TP63: variants seen among roughly 807,000 people sequenced by gnomAD.
TP63 encodes tumor protein 63.
A neutral mutation model predicts 82.8 loss-of-function variants in TP63; 17 were observed. The observed-to-expected ratio is 0.21, with a 90% CI of 0.14 to 0.31. The LOEUF (loss-of-function observed/expected upper bound fraction) is 0.31. TP63 is among the 10% of genes least tolerant of loss of function. The pLI, the probability that TP63 is intolerant of heterozygous loss-of-function variation, is 1.00. For missense variants in TP63, 648 were observed against 895.3 expected (o/e 0.72, Z 3.52); for synonymous variants, 330 against 321.7 (o/e 1.03, Z -0.28).
the TP63 span, among the ~76,000 whole-genome samples, chr3:189,612,508 G>T: frequency 2.0e-5 from 3 of 151,344 alleles, no homozygotes; most frequent in African/African-American, 7.3e-5. Context: ...TTTGTAAATT[G>T]CCCAGTCTTG....
chr3:189,808,148 A>C (rs1727120336), intron 3 of TP63, 124 bp from the exon 4 acceptor site: 27 of 1,518,074 alleles, frequency 1.8e-5, no homozygotes, highest in South Asian at 1.3e-4. Context: ...TTTTACTTTG[A>C]ATGTGAAGTG....
chr3:189,776,635 C>G (rs1316730988), intron 3 of TP63, among the ~76,000 whole-genome samples: 6 of 152,194 alleles, frequency 3.9e-5, no homozygotes, highest in Non-Finnish European at 8.8e-5. Flanking sequence ...TTTTGCCTTA[C>G]AGACCTAAAT....
chr3:189,743,473 T>C lies in TP63; in HGVS notation c.324+4699T>C, dbSNP rs538633931. Among the ~76,000 whole-genome samples, 43 of 151,800 alleles carry C rather than the reference T, an allele frequency of 2.8e-4. 1 individual carries two copies. The highest frequency in any genetic ancestry group is 2.1e-3 in the South Asian group (10 of 4,796). On this transcript the variant is annotated intron_variant, in intron 3 of 13. Coordinates refer to ENST00000264731, the MANE Select transcript of TP63 (RefSeq NM_003722.5). ...CAGTTTTAGATATTCCACAAAACTATTCAAATATAAATAAGTACCTACAAA... is the reference window on the plus strand; with the variant it reads ...CAGTTTTAGATATTCCACAAAACTACTCAAATATAAATAAGTACCTACAAA...
intron 3 of TP63, among the ~76,000 whole-genome samples, chr3:189,775,220 CAAAAA>C (rs56288032): frequency 6.4e-5 from 6 of 93,058 alleles, no homozygotes; most frequent in Admixed American, 2.4e-4. Context: ...AACTCTGTCT[CAAAAA>C]AAAAAAAAAA....
chr3:189,838,909 A>G (rs905728971), intron 4 of TP63, among the ~76,000 whole-genome samples: 5 of 151,984 alleles, frequency 3.3e-5, no homozygotes, highest in African/African-American at 1.2e-4. Flanking sequence ...CTTGAACTAA[A>G]TTTATCTCAT....
At chr3:189,864,545 T>A in intron 5 of TP63, 127 bp downstream of exon 5, 3 of 377,986 alleles carry the variant, frequency 7.9e-6, no homozygotes, top group Admixed American at 5.4e-5. Context: ...GTCTGCCTTT[T>A]TTTTTTTTTT....
At chr3:189,644,697 T>C (rs936038225) in intron 1 of TP63, among the ~76,000 whole-genome samples, 1 of 152,234 alleles carries the variant, frequency 6.6e-6, no homozygotes, top group South Asian at 2.1e-4. Flanking sequence ...CTCTTCCCCT[T>C]GAGTGTCCAA....
At chr3:189,831,963 C>T (rs1407866575) in intron 4 of TP63, among the ~76,000 whole-genome samples, 3 of 150,810 alleles carry the variant, frequency 2.0e-5, no homozygotes, top group African/African-American at 4.9e-5. Context: ...TCCTGAGTAG[C>T]TGGGATTATA....
chr3:189,877,845 T>C (rs1256166373), intron 10 of TP63, among the ~76,000 whole-genome samples: 1 of 152,214 alleles, frequency 6.6e-6, no homozygotes, highest in African/African-American at 2.4e-5. Flanking sequence ...TAGTTAATTA[T>C]AAAATTTAAA....
At chr3:189,655,822 C>T (rs999705115) in intron 1 of TP63, among the ~76,000 whole-genome samples, 2 of 152,118 alleles carry the variant, frequency 1.3e-5, no homozygotes, top group African/African-American at 2.4e-5. Flanking sequence ...CATTGTTGGG[C>T]TTTTCTGTCA....
intron 3 of TP63, among the ~76,000 whole-genome samples, chr3:189,796,941 G>A (rs1173458044): frequency 6.6e-6 from 1 of 151,974 alleles, no homozygotes; most frequent in African/African-American, 2.4e-5. Context: ...GTATGGATTC[G>A]AGCTGAGATG....
intron 1 of TP63, among the ~76,000 whole-genome samples, chr3:189,730,731 G>T (rs1336723703): frequency 2.0e-5 from 3 of 152,104 alleles, no homozygotes; most frequent in Non-Finnish European, 4.4e-5. Context: ...GTCCCTCCAG[G>T]CCTGCTCTAT....
intron 10 of TP63, among the ~76,000 whole-genome samples, chr3:189,878,659 C>T (rs1313727585): frequency 1.3e-5 from 2 of 150,938 alleles, no homozygotes; most frequent in African/African-American, 4.9e-5. Flanking sequence ...AAACCCCTGA[C>T]GTTGTGATCC....
At chr3:189,688,711 C>G (rs1247855500) in intron 1 of TP63, among the ~76,000 whole-genome samples, 1 of 152,174 alleles carries the variant, frequency 6.6e-6, no homozygotes, top group Non-Finnish European at 1.5e-5. Context: ...CTTCACCAGT[C>G]ACACTCTAGG....
chr3:189,830,356 T>C (rs1577054839), intron 4 of TP63, among the ~76,000 whole-genome samples: 2 of 152,162 alleles, frequency 1.3e-5, no homozygotes, highest in Non-Finnish European at 2.9e-5. Flanking sequence ...ACTCTGATTT[T>C]CATGGCAAGG....
intron 1 of TP63, among the ~76,000 whole-genome samples, chr3:189,721,111 A>G (rs1048026576): frequency 1.1e-4 from 17 of 152,222 alleles, no homozygotes; most frequent in African/African-American, 4.1e-4. Context: ...ATTTAGGCAG[A>G]GAGTTTTTGG....
chr3:189,813,040 A>G (rs1029157236), intron 4 of TP63, among the ~76,000 whole-genome samples: 1 of 152,146 alleles, frequency 6.6e-6, no homozygotes, highest in Non-Finnish European at 1.5e-5. Context: ...AGCCTGCCCA[A>G]GCAGATGTAG....
intron 11 of TP63, 74 bp from the exon 12 acceptor site, chr3:189,889,266 G>A: frequency 1.9e-6 from 3 of 1,610,516 alleles, no homozygotes; most frequent in Non-Finnish European, 2.5e-6. Flanking sequence ...AATTTAACCA[G>A]ACAAGATGGA....
intron 1 of TP63, among the ~76,000 whole-genome samples, chr3:189,652,406 A>G (rs1712973055): frequency 6.8e-6 from 1 of 146,528 alleles, no homozygotes; most frequent in Non-Finnish European, 1.5e-5. Context: ...GTTTTGGCCA[A>G]TTTCTCCCAT....
Sources: allele counts gnomAD v4.1 joint callset (sites outside exome capture counted in the v4.1 genomes callset), GRCh38; gene constraint gnomAD v4.1.1; transcripts MANE v1.5; gene names NCBI Gene and HGNC (gene_info 2026-07-23, HGNC 2026-07-21).